Variants in ASXL1 observed in about 807,000 individuals in gnomAD.
ASXL1 encodes the protein ASXL transcriptional regulator 1, also known as polycomb group protein ASXL1.
A neutral mutation model predicts 89.1 loss-of-function variants in ASXL1; 65 were observed. The observed-to-expected ratio is 0.73, with a 90% CI of 0.60 to 0.90. The LOEUF is 0.90. ASXL1 is among the 40% of genes least tolerant of loss of function. The pLI, the probability that ASXL1 is intolerant of heterozygous loss-of-function variation, is 0.00. For synonymous variants in ASXL1, 739 were observed against 746.9 expected, an observed-to-expected ratio of 0.99 and a Z score of 0.17; for missense variants, 1,786 against 1,942.9, an observed-to-expected ratio of 0.92 and a Z score of 1.52.
In ASXL1 at chr20:32,407,167, C is replaced by T; in HGVS notation, c.253-20961C>T. ...GATTAGCCTGGTCAACATGGTGAAA[C>T]CCCATCTCTACTAAAAATACAGAAA... On this transcript the variant is annotated intron_variant, in intron 4 of 12. Transcript: ENST00000375687. Among the ~76,000 whole-genome samples, 2 of 151,934 alleles carry T rather than the reference C, an allele frequency of 1.3e-5. 1 individual carries two copies. The highest frequency in any genetic ancestry group is 3.9e-4 in the East Asian group (2 of 5,188).
chr20:32,370,770 T>C (rs543862979), intron 4 of ASXL1, among the ~76,000 whole-genome samples: 169 of 152,220 alleles, frequency 1.1e-3, no homozygotes, highest in African/African-American at 3.9e-3. Flanking sequence ...TATTTTTTTA[T>C]ATCCAATAGT....
At chr20:32,424,033 CTGTT>C (rs1029029916) in intron 4 of ASXL1, among the ~76,000 whole-genome samples, 2 of 152,190 alleles carry the variant, frequency 1.3e-5, no homozygotes, top group Non-Finnish European at 2.9e-5. Flanking sequence ...GGCCCTATTC[CTGTT>C]TGTTTAACTA....
intron 4 of ASXL1, among the ~76,000 whole-genome samples, chr20:32,382,192 C>T (rs6058668): frequency 0.021 from 3,227 of 151,778 alleles, 116 homozygotes; most frequent in African/African-American, 0.074. Context: ...TCAGGCTGGT[C>T]TTGAATTCTC....
intron 4 of ASXL1, among the ~76,000 whole-genome samples, chr20:32,400,767 T>C (rs1017509762): frequency 2.0e-5 from 3 of 152,226 alleles, no homozygotes; most frequent in Non-Finnish European, 2.9e-5. Flanking sequence ...GCAGCCTCCA[T>C]AGGGCTTCTG....
intron 4 of ASXL1, among the ~76,000 whole-genome samples, chr20:32,399,778 T>TA (rs2048840441): frequency 3.6e-5 from 3 of 83,204 alleles, no homozygotes; most frequent in African/African-American, 5.2e-5. Flanking sequence ...TTTTTTTTTT[T>TA]AAAGACTGAG....
At chr20:32,376,581 C>T (rs1033978656) in intron 4 of ASXL1, among the ~76,000 whole-genome samples, 1 of 151,852 alleles carries the variant, frequency 6.6e-6, no homozygotes, top group African/African-American at 2.4e-5. Context: ...CAGCTGACAC[C>T]AGTTATTTAA....
In ASXL1 at chr20:32,429,350, A is replaced by C; in HGVS notation, c.484A>C (p.Lys162Gln). 6.2e-7 allele frequency: 1 copy of C among 1,614,172 alleles called. No homozygotes were observed. ...TCTTGGAACGCAGGCGAACAAACAA[A>C]AGAAAAAGACTGGGGTGATGCTGCC... ...YRASSQANKQ[K>Q]KKTGVMLPRV... is the part of the protein sequence containing the mutation. Residue 162 changes from lysine to glutamine, a missense_variant, in exon 7 of 13, where the codon AAG (lysine) becomes CAG (glutamine). Lys to Gln is a moderately conservative substitution (Grantham distance 53, BLOSUM62 1). This residue lies in a region of ASXL1 where 332 missense variants were observed against 449.7 expected (regional missense o/e 0.74). Transcript: ENST00000375687. This position sits in a 1 kb window ranked among gnomAD's most constrained non-coding sequence, Gnocchi z 4.9.
chr20:32,408,262 G>A (rs1200056724), intron 4 of ASXL1, among the ~76,000 whole-genome samples: 1 of 152,100 alleles, frequency 6.6e-6, no homozygotes. Flanking sequence ...ACGGTTCGAG[G>A]TAGTCATTCA....
chr20:32,417,701 C>T (rs1485289493), intron 4 of ASXL1, among the ~76,000 whole-genome samples: 1 of 151,938 alleles, frequency 6.6e-6, no homozygotes, highest in African/African-American at 2.4e-5. Flanking sequence ...TTTCTGTATA[C>T]TTTAATAGGT....
chr20:32,391,222 T>C (rs2048665836), intron 4 of ASXL1, among the ~76,000 whole-genome samples: 1 of 152,142 alleles, frequency 6.6e-6, no homozygotes, highest in Non-Finnish European at 1.5e-5. Flanking sequence ...CAGGATAGTA[T>C]CTCATTGTAT....
At position 32,437,611 on chromosome 20, in the gene ASXL1, G is replaced by A. The variant is rs1249948353; in HGVS notation, c.*273G>A. 4.1e-6 allele frequency: 2 copies of A among 487,742 alleles called. No individual in the cohort carries two copies. Among genetic ancestry groups the A allele is most frequent in the Non-Finnish European group, 3.7e-6 (1 of 272,782 alleles). The allele number at this position is 487,742 out of a possible 1,614,324, so 30.2% of individuals were successfully genotyped here. On this transcript the variant is annotated 3_prime_UTR_variant, in exon 13 of 13. Transcript: ENST00000375687. ...AGAGCCTGATGTGGCACGGAGTGGG[G>A]TTGCGGGGGGTGGGGGGACTGCCTG...
At chr20:32,371,568 T>G (rs2048301779) in intron 4 of ASXL1, among the ~76,000 whole-genome samples, 1 of 152,262 alleles carries the variant, frequency 6.6e-6, no homozygotes, top group Admixed American at 6.5e-5. Flanking sequence ...ATTACAGACG[T>G]GGGCCACTGC....
chr20:32,361,497 G>A (rs1031682943), intron 1 of ASXL1, among the ~76,000 whole-genome samples: 1 of 151,676 alleles, frequency 6.6e-6, no homozygotes, highest in Non-Finnish European at 1.5e-5. Context: ...AATTAGCCGG[G>A]TGTGGTGGTG....
At chr20:32,369,227 C>T in intron 4 of ASXL1, 104 bp downstream of exon 4, 2 of 1,056,594 alleles carry the variant, frequency 1.9e-6, no homozygotes, top group Non-Finnish European at 2.9e-6. Context: ...TTGCATTTCT[C>T]ATATGCAGTC....
chr20:32,369,718 CTTTT>C (rs386393629), intron 4 of ASXL1, among the ~76,000 whole-genome samples: 2 of 94,588 alleles, frequency 2.1e-5, no homozygotes, highest in East Asian at 7.4e-4. Flanking sequence ...GCAGATGTGC[CTTTT>C]TTTTTTTTTT....
intron 4 of ASXL1, chr20:32,427,220 G>A (rs1600571432): frequency 1.3e-5 from 2 of 152,188 alleles, no homozygotes; most frequent in South Asian, 4.1e-4. Context: ...TCTATTGGAA[G>A]AAGCTTTTCT....
chr20:32,370,682 A>G (rs1219141865), intron 4 of ASXL1, among the ~76,000 whole-genome samples: 1 of 152,218 alleles, frequency 6.6e-6, no homozygotes, highest in Non-Finnish European at 1.5e-5. Flanking sequence ...TACCAACTAT[A>G]TAACATGAAG....
At chr20:32,415,968 A>C (rs2049131432) in intron 4 of ASXL1, among the ~76,000 whole-genome samples, 1 of 152,170 alleles carries the variant, frequency 6.6e-6, no homozygotes, top group South Asian at 2.1e-4. Flanking sequence ...ACCCTTAATA[A>C]ATGGAGAGCA....
At chr20:32,432,497 A>T (rs1218557337) in intron 10 of ASXL1, 6 of 290,240 alleles carry the variant, frequency 2.1e-5, no homozygotes, top group African/African-American at 1.3e-4. Flanking sequence ...GGCACAGTGA[A>T]CAACTCATAT....
Sources: gnomAD v4.1 joint callset for allele counts (sites outside exome capture counted in the v4.1 genomes callset) on GRCh38, gnomAD v4.1.1 for gene constraint, gnomAD v4.1.1 regional missense constraint, Gnocchi (gnomAD v3.1) non-coding constraint, MANE v1.5 for transcripts, NCBI Gene and HGNC (gene_info 2026-07-23, HGNC 2026-07-21) for gene names.